The following C2CD5 variants were observed in gnomAD, a reference collection of about 807,000 sequenced individuals.
The protein encoded by C2CD5 is C2 calcium dependent domain containing 5.
A neutral mutation model predicts 130.3 loss-of-function variants in C2CD5; 109 were observed. The ratio of observed to expected loss-of-function variants is 0.84; its 90% confidence interval spans 0.72 to 0.98. C2CD5 has a LOEUF of 0.98. Ranked by LOEUF, C2CD5 falls within the 50% of genes least tolerant of loss-of-function variation. C2CD5 has a pLI of 0.00. For missense variants in C2CD5, 996 were observed against 1,261.8 expected, an observed-to-expected ratio of 0.79 and a Z score of 3.19; for synonymous variants, 454 against 429.2, an observed-to-expected ratio of 1.06 and a Z score of -0.71.
chr12:22,459,005 AAAAG>A (rs1177381478), intron 23 of C2CD5: 2 of 156,762 alleles, frequency 1.3e-5, no homozygotes, highest in Non-Finnish European at 2.8e-5. Flanking sequence ...AAATTTTAAA[AAAAG>A]AGAATCAAAT....
chr12:22,508,310 T>C (rs1311233897), intron 9 of C2CD5, among the ~76,000 whole-genome samples: 1 of 152,084 alleles, frequency 6.6e-6, no homozygotes, highest in Non-Finnish European at 1.5e-5. Flanking sequence ...TCTATGGAAG[T>C]GGTTAGGTAT....
intron 11 of C2CD5, among the ~76,000 whole-genome samples, chr12:22,493,008 T>C (rs1406224604): frequency 6.6e-6 from 1 of 152,190 alleles, no homozygotes; most frequent in Non-Finnish European, 1.5e-5. Context: ...CATTTTAATG[T>C]ACAAATTGAG....
Position 22,484,839 on chromosome 12 carries a change from CA to C in C2CD5, c.1407del (p.Tyr469Ter). ...GCTGGAAATGGCATATTCAGTTCATCATATGGTATATGACAAAATCCACAAC... is the reference window on the plus strand; with the variant it reads ...GCTGGAAATGGCATATTCAGTTCATCTATGGTATATGACAAAATCCACAAC... ...PTRCGFCHIP[Y>X]DELNMPFPAH... On this transcript the variant is annotated frameshift_variant, in exon 13 of 27. Coordinates refer to ENST00000446597, the MANE Select transcript of C2CD5 (RefSeq NM_001286176.2). LOFTEE classifies it high-confidence loss of function. The C allele has an allele frequency of 6.2e-7, 1 of 1,604,624 alleles. No homozygotes were observed. Among genetic ancestry groups the C allele is most frequent in the Non-Finnish European group, 8.5e-7 (1 of 1,175,452 alleles).
At chr12:22,470,296 T>C (rs1426037920) in intron 21 of C2CD5, among the ~76,000 whole-genome samples, 1 of 152,134 alleles carries the variant, frequency 6.6e-6, no homozygotes. Flanking sequence ...TCATTCAAAC[T>C]ATACAAGAAA....
chr12:22,493,114 C>T (rs759418715), intron 11 of C2CD5, 109 bp downstream of exon 11: 2 of 637,026 alleles, frequency 3.1e-6, no homozygotes, highest in African/African-American at 3.7e-5. Flanking sequence ...AAGGCCCATG[C>T]TCCTGAACAC....
intron 12 of C2CD5, among the ~76,000 whole-genome samples, chr12:22,485,562 C>G (rs1460441562): frequency 1.1e-4 from 16 of 151,866 alleles, no homozygotes; most frequent in Admixed American, 1.1e-3. Flanking sequence ...CAAAAACAGG[C>G]ATACTCTAAG....
At chr12:22,480,904 A>C (rs1019357722) in intron 14 of C2CD5, among the ~76,000 whole-genome samples, 5 of 151,898 alleles carry the variant, frequency 3.3e-5, no homozygotes, top group African/African-American at 1.2e-4. Context: ...TCCCAGGCTC[A>C]GCTGATTCTC....
At chr12:22,451,257 AT>A (rs979988141) in intron 26 of C2CD5, among the ~76,000 whole-genome samples, 2 of 152,116 alleles carry the variant, frequency 1.3e-5, no homozygotes, top group African/African-American at 2.4e-5. Context: ...ACTACAATTA[AT>A]TTTTTTAAGA....
intron 10 of C2CD5, among the ~76,000 whole-genome samples, chr12:22,496,424 C>G (rs1259481533): frequency 1.3e-5 from 2 of 151,902 alleles, no homozygotes; most frequent in African/African-American, 4.8e-5. Context: ...CAAACAGAGT[C>G]TAGCTTAAAA....
At position 22,471,285 on chromosome 12, in the gene C2CD5, T is replaced by G. The variant is rs904936871; in HGVS notation, c.2358+114A>C. ...GCATACTAACATATATTTTTTAATA[T>G]TGTGAGGTAAACTAGTATATGTTTA... On this transcript the variant is annotated intron_variant, in intron 20 of 26. Coordinates refer to ENST00000446597, the MANE Select transcript of C2CD5 (RefSeq NM_001286176.2). The G allele has an allele frequency of 7.8e-6, 5 of 641,462 alleles. No individual in the cohort carries two copies. In the Admixed American group the frequency reaches 1.4e-4, roughly 18 times the overall value. The allele number at this position is 641,462 out of a possible 1,614,324, so 39.7% of individuals were successfully genotyped here. A position where few individuals can be genotyped will look rare whatever the true frequency, so the allele number is the denominator to read the frequency against.
chr12:22,503,592 C>A (rs1948085538), intron 10 of C2CD5, among the ~76,000 whole-genome samples: 1 of 152,090 alleles, frequency 6.6e-6, no homozygotes, highest in East Asian at 1.9e-4. Context: ...CTTACTGCAA[C>A]CTCCATCTCT....
chr12:22,508,199 T>C (rs1351709092), intron 9 of C2CD5, among the ~76,000 whole-genome samples: 2 of 152,154 alleles, frequency 1.3e-5, no homozygotes, highest in African/African-American at 4.8e-5. Flanking sequence ...TAAAAAAGTT[T>C]CTAAAATTTA....
intron 10 of C2CD5, among the ~76,000 whole-genome samples, chr12:22,499,145 C>CT (rs1351303767): frequency 2.0e-5 from 3 of 152,118 alleles, no homozygotes; most frequent in Admixed American, 6.6e-5. Flanking sequence ...CTCAAATAAA[C>CT]TTGAGTTTCC....
At chr12:22,515,964 G>A (rs1343352883) in intron 8 of C2CD5, among the ~76,000 whole-genome samples, 1 of 150,608 alleles carries the variant, frequency 6.6e-6, no homozygotes, top group Non-Finnish European at 1.5e-5. Context: ...CCTTGTAAAT[G>A]TCAAAAATTA....
At chr12:22,458,376 T>G in intron 24 of C2CD5, 108 bp downstream of exon 24, 1 of 438,466 alleles carries the variant, frequency 2.3e-6, no homozygotes, top group Non-Finnish European at 3.8e-6. Context: ...CTCTAATACA[T>G]GATGGATTGG....
intron 12 of C2CD5, among the ~76,000 whole-genome samples, chr12:22,486,199 A>AC (rs1565707291): frequency 2.6e-5 from 4 of 151,688 alleles, no homozygotes; most frequent in Non-Finnish European, 5.9e-5. Flanking sequence ...AAAAAAAAAA[A>AC]AAAAACACTG....
chr12:22,542,047 G>T (rs1288961597), intron 2 of C2CD5, among the ~76,000 whole-genome samples: 2 of 152,156 alleles, frequency 1.3e-5, no homozygotes, highest in Non-Finnish European at 2.9e-5. Context: ...TTTAACCTAA[G>T]AAATGTCCCA....
intron 14 of C2CD5, among the ~76,000 whole-genome samples, chr12:22,478,887 T>C (rs1244032258): frequency 2.6e-5 from 4 of 151,844 alleles, no homozygotes; most frequent in Non-Finnish European, 5.9e-5. Context: ...GAATGTGATC[T>C]TTGCTCATTA....
At chr12:22,476,532 T>C (rs887442304) in intron 15 of C2CD5, among the ~76,000 whole-genome samples, 3 of 152,138 alleles carry the variant, frequency 2.0e-5, no homozygotes, top group Admixed American at 1.3e-4. Context: ...ATGTAAACTG[T>C]ATGACACATA....
Sources: allele counts gnomAD v4.1 joint callset (sites outside exome capture counted in the v4.1 genomes callset), GRCh38; gene constraint gnomAD v4.1.1; transcripts MANE v1.5; gene names NCBI Gene and HGNC (gene_info 2026-07-23, HGNC 2026-07-21).